The following GRID2 variants were observed in gnomAD, a reference collection of about 807,000 sequenced individuals.
GRID2 encodes glutamate receptor ionotropic, delta-2.
A neutral mutation model predicts 114.8 loss-of-function variants in GRID2; 33 were observed. The ratio of observed to expected loss-of-function variants is 0.29; its 90% CI spans 0.22 to 0.38. The LOEUF is 0.38. GRID2 is among the 10% of genes least tolerant of loss of function. The probability of loss-of-function intolerance (pLI) is 1.00; values close to 1 mark genes in which losing one functional copy is unlikely to be tolerated. For missense variants in GRID2, 1,184 were observed against 1,257.7 expected (o/e 0.94, Z 0.89); for synonymous variants, 505 against 449.9 (o/e 1.12, Z -1.55).
chr4:92,434,733 T>C (rs749890281), intron 1 of GRID2, among the ~76,000 whole-genome samples: 9 of 152,130 alleles, frequency 5.9e-5, no homozygotes, highest in Non-Finnish European at 1.2e-4. Context: ...AAGCATTTTC[T>C]AATAATACAA....
intron 1 of GRID2, among the ~76,000 whole-genome samples, chr4:92,583,923 G>GTATA (rs142984362): frequency 0.027 from 3,945 of 147,866 alleles, 67 homozygotes; most frequent in Middle Eastern, 0.044. Context: ...ACACATATAT[G>GTATA]TATATATATA....
chr4:92,723,002 T>G (rs993068071), intron 2 of GRID2, among the ~76,000 whole-genome samples: 15 of 152,086 alleles, frequency 9.9e-5, no homozygotes, highest in Non-Finnish European at 1.9e-4. Flanking sequence ...GTTGCCCCAG[T>G]GAGAAAGACT....
intron 10 of GRID2, among the ~76,000 whole-genome samples, chr4:93,445,845 G>T (rs1464519652): frequency 2.6e-5 from 4 of 151,856 alleles, no homozygotes; most frequent in Non-Finnish European, 4.4e-5. Context: ...AGATGTTGAA[G>T]AAAACATAAG....
At position 93,080,007 on chromosome 4, in the gene GRID2, C is replaced by A. The variant is rs530738841; in HGVS notation, c.245-4988C>A. 2.0e-5 allele frequency among the ~76,000 whole-genome samples: 3 copies of A among 152,064 alleles called. No homozygotes were observed. The South Asian group carries it at 6.2e-4, about 32-fold the overall frequency. ...AACACTATTTACATATTAAGGCAAG[C>A]TTTATTTGGAAGAATTTGTTCCAGA... On this transcript the variant is annotated intron_variant, in intron 2 of 15. Coordinates refer to ENST00000282020, the MANE Select transcript of GRID2 (RefSeq NM_001510.4).
chr4:93,076,547 T>G (rs74834701), intron 2 of GRID2, among the ~76,000 whole-genome samples: 1 of 151,620 alleles, frequency 6.6e-6, no homozygotes, highest in Non-Finnish European at 1.5e-5. Flanking sequence ...TCAAGAATAG[T>G]CATTGGATAT....
chr4:92,803,403 A>G (rs1216100857), intron 2 of GRID2, among the ~76,000 whole-genome samples: 1 of 152,044 alleles, frequency 6.6e-6, no homozygotes, highest in Non-Finnish European at 1.5e-5. Context: ...TTATTTATAT[A>G]GATTCAATGT....
chr4:93,594,467 C>A (rs572396666), intron 13 of GRID2, among the ~76,000 whole-genome samples: 2 of 152,298 alleles, frequency 1.3e-5, no homozygotes, highest in South Asian at 4.1e-4. Flanking sequence ...AGCTGTCAGA[C>A]AGGGACATTT....
At chr4:92,986,101 C>T (rs985678386) in intron 2 of GRID2, among the ~76,000 whole-genome samples, 4 of 152,170 alleles carry the variant, frequency 2.6e-5, no homozygotes, top group African/African-American at 4.8e-5. Flanking sequence ...ACATGGATCA[C>T]TTCCCTGAAT....
chr4:92,425,287 A>G (rs1732102401), intron 1 of GRID2, among the ~76,000 whole-genome samples: 1 of 152,152 alleles, frequency 6.6e-6, no homozygotes, highest in East Asian at 1.9e-4. Context: ...TGCATTATTT[A>G]TAGTACTTTA....
chr4:92,831,494 T>G (rs1742097118), intron 2 of GRID2, among the ~76,000 whole-genome samples: 3 of 130,624 alleles, frequency 2.3e-5, no homozygotes, highest in Admixed American at 7.5e-5. Context: ...GCCAATTTCG[T>G]TTTTTTTTTT....
chr4:92,616,952 T>C (rs1475875540), intron 2 of GRID2, among the ~76,000 whole-genome samples: 1 of 151,584 alleles, frequency 6.6e-6, no homozygotes, highest in Non-Finnish European at 1.5e-5. Context: ...GGGTACCTAG[T>C]AGTGTTGTGT....
At chr4:92,729,602 T>G (rs1736234464) in intron 2 of GRID2, among the ~76,000 whole-genome samples, 1 of 152,060 alleles carries the variant, frequency 6.6e-6, no homozygotes, top group African/African-American at 2.4e-5. Context: ...AAGTTCAGAA[T>G]TTTCAGAAAT....
chr4:93,031,566 T>G (rs1418133609), intron 2 of GRID2, among the ~76,000 whole-genome samples: 1 of 152,088 alleles, frequency 6.6e-6, no homozygotes, highest in Admixed American at 6.6e-5. Context: ...GGGGTGGGTC[T>G]TTCTCTTCCT....
rs568213968 is a variant in GRID2, at chr4:92,710,971, A to G, written c.244+120685A>G. Among the ~76,000 whole-genome samples the G allele has an allele frequency of 8.2e-4, 124 of 152,010 alleles. 1 individual carries two copies. Among genetic ancestry groups the G allele is most frequent in the African/African-American group, 2.8e-3 (115 of 41,502 alleles). On this transcript the variant is annotated intron_variant, in intron 2 of 15. Transcript: ENST00000282020. ...CTAAAGTATTAAGGATAAAGAATAA[A>G]CCTTATAGGACCGGTTATTTATTAT... is the stretch of plus-strand genomic sequence containing the variant.
At chr4:92,390,093 A>T (rs1300610791) in intron 1 of GRID2, among the ~76,000 whole-genome samples, 2 of 152,122 alleles carry the variant, frequency 1.3e-5, no homozygotes, top group Non-Finnish European at 2.9e-5. Flanking sequence ...ACAATTACAG[A>T]TGGGGATAAA....
At chr4:93,653,654 G>A (rs1722771750) in intron 14 of GRID2, among the ~76,000 whole-genome samples, 1 of 151,944 alleles carries the variant, frequency 6.6e-6, no homozygotes, top group Non-Finnish European at 1.5e-5. Flanking sequence ...AGTAGAGGAA[G>A]GAGTGGAAAT....
At chr4:93,410,390 T>A (rs967050113) in intron 9 of GRID2, among the ~76,000 whole-genome samples, 2 of 152,232 alleles carry the variant, frequency 1.3e-5, no homozygotes, top group African/African-American at 4.8e-5. Flanking sequence ...ATTTGGCTTC[T>A]ATTTTCACTT....
intron 8 of GRID2, among the ~76,000 whole-genome samples, chr4:93,354,660 G>A (rs182389577): frequency 3.5e-3 from 493 of 138,908 alleles, no homozygotes; most frequent in Middle Eastern, 0.014. Flanking sequence ...ACTCCCCTGG[G>A]GTGGCTCATC....
Position 93,769,229 on chromosome 4 carries a change from A to G in GRID2, c.2380A>G (p.Asn794Asp). The change falls in exon 15 of 16, where the codon AAT becomes GAT. Residue 794 changes from asparagine to aspartate, a missense_variant. Asn to Asp is a conservative substitution (Grantham distance 23). Transcript: ENST00000282020. ...CCCAAGGATCCTGGAGCTTCAGCAG[A>G]ATGGTGACATGGACATCCTGAAGCA... Reference protein sequence around the residue: ...FSQRILELQQNGDMDILKHKW... With the variant: ...FSQRILELQQDGDMDILKHKW... 6.2e-7 allele frequency: 1 copy of G among 1,613,814 alleles called. No homozygotes were observed. Among genetic ancestry groups the G allele is most frequent in the Non-Finnish European group, 8.5e-7 (1 of 1,179,682 alleles).
Sources: gnomAD v4.1 joint callset for allele counts (sites outside exome capture counted in the v4.1 genomes callset) on GRCh38, gnomAD v4.1.1 for gene constraint, MANE v1.5 for transcripts, NCBI Gene and HGNC (gene_info 2026-07-23, HGNC 2026-07-21) for gene names.